Variants in SMARCB1 observed in about 807,000 individuals in gnomAD.
SMARCB1 encodes the protein SWI/SNF related BAF chromatin remodeling complex subunit B1, also known as SWI/SNF-related matrix-associated actin-dependent regulator of chromatin subfamily B member 1.
In SMARCB1, 5 loss-of-function variants were observed where a neutral mutation model predicts 49.0. The ratio of observed to expected loss-of-function variants is 0.10; its 90% CI spans 0.05 to 0.21. The LOEUF (loss-of-function observed/expected upper bound fraction) is 0.21. Among genes scored for constraint, SMARCB1 ranks in the 10% least tolerant of loss-of-function variants. The pLI is 1.00. For synonymous variants in SMARCB1, 201 were observed against 200.1 expected (o/e 1.00, Z -0.04); for missense variants, 226 against 509.2 (o/e 0.44, Z 5.35).
chr22:23,808,729 G>C (rs1008035821), intron 5 of SMARCB1, among the ~76,000 whole-genome samples: 4 of 146,918 alleles, frequency 2.7e-5, no homozygotes, highest in African/African-American at 1.0e-4. Context: ...CGGAGTTTCC[G>C]CTCTTGTTGC....
chr22:23,809,352 C>T (rs1203576411), intron 5 of SMARCB1, among the ~76,000 whole-genome samples: 5 of 151,050 alleles, frequency 3.3e-5, no homozygotes, highest in East Asian at 3.9e-4. Flanking sequence ...TCTCAGCTCA[C>T]CACAACCTCT....
chr22:23,793,744 A>T (rs2145964918), intron 3 of SMARCB1, 56 bp downstream of exon 3: 1 of 1,550,054 alleles, frequency 6.5e-7, no homozygotes, highest in Non-Finnish European at 8.9e-7. Context: ...CTTTTCTGAG[A>T]CTCAAGAACT....
chr22:23,817,713 G>A (rs577975543), intron 6 of SMARCB1: 40 of 152,334 alleles, frequency 2.6e-4, no homozygotes, highest in African/African-American at 9.1e-4. Flanking sequence ...GATGGAGCCT[G>A]GGCCGACTTC....
At chr22:23,805,496 T>C (rs559002569) in intron 5 of SMARCB1, among the ~76,000 whole-genome samples, 1 of 152,316 alleles carries the variant, frequency 6.6e-6, no homozygotes, top group East Asian at 1.9e-4. Context: ...GGCCTTGTTT[T>C]TCATTGCCGT....
In SMARCB1 at chr22:23,806,774, T is replaced by C. The variant is rs897310076; in HGVS notation, c.628+3352T>C. Among the ~76,000 whole-genome samples, 4 of 151,752 alleles carry C rather than the reference T, an allele frequency of 2.6e-5. No homozygotes were observed. The South Asian group carries it at 8.4e-4, about 32-fold the overall frequency. Reference sequence around the variant, plus strand: ...CCCTCTCTACTAAAAATATAAAAATTAGTCGGATGTGGTGGCACACCTGTG... The same window carrying C: ...CCCTCTCTACTAAAAATATAAAAATCAGTCGGATGTGGTGGCACACCTGTG... On this transcript the variant is annotated intron_variant, in intron 5 of 8. Transcript: ENST00000644036.
In SMARCB1 at chr22:23,837,980, A is replaced by G; in HGVS notation, c.*3800A>G. 8.1e-7 allele frequency: 1 copy of G among 1,235,994 alleles called. No homozygotes were observed. The highest frequency in any genetic ancestry group is 1.5e-5 in the South Asian group (1 of 66,146). 76.6% of individuals were successfully genotyped at this position (1,235,994 alleles called of 1,614,324 possible). Reference sequence around the variant, plus strand: ...TGCTATTCCCTCATCAAGATGAGCCAGTCCAATAAAGGCGACACACTCCAC... The same window carrying G: ...TGCTATTCCCTCATCAAGATGAGCCGGTCCAATAAAGGCGACACACTCCAC... On this transcript the variant is annotated 3_prime_UTR_variant, in exon 9 of 9. Transcript: ENST00000644036.
intron 2 of SMARCB1, chr22:23,793,228 A>C: frequency 2.5e-6 from 1 of 401,420 alleles, no homozygotes; most frequent in South Asian, 2.1e-5. Context: ...GGACCAAGAG[A>C]ATATGTTCTG....
chr22:23,826,787 G>A (rs1047266920), intron 7 of SMARCB1, among the ~76,000 whole-genome samples: 1 of 152,228 alleles, frequency 6.6e-6, no homozygotes, highest in Non-Finnish European at 1.5e-5. Flanking sequence ...AAGGAAGAAG[G>A]AATGAGAGCC....
At chr22:23,806,733 C>T (rs920520001) in intron 5 of SMARCB1, among the ~76,000 whole-genome samples, 1 of 151,782 alleles carries the variant, frequency 6.6e-6, no homozygotes, top group Non-Finnish European at 1.5e-5. Flanking sequence ...ACCAGCCTGG[C>T]CATCATGGTG....
intron 8 of SMARCB1, 41 bp downstream of exon 8, chr22:23,833,744 C>G (rs1298140850): frequency 3.1e-6 from 5 of 1,612,360 alleles, no homozygotes; most frequent in Non-Finnish European, 4.2e-6. Context: ...CCCACAGGCA[C>G]CTGGCTTTCC....
intron 2 of SMARCB1, 43 bp downstream of exon 2, chr22:23,791,937 C>G (rs377252030): frequency 1.2e-6 from 2 of 1,601,478 alleles, no homozygotes; most frequent in African/African-American, 1.3e-5. Context: ...CAAAACCACT[C>G]GCTTATGTCA....
intron 4 of SMARCB1, 181 bp downstream of exon 4, chr22:23,801,262 CTCCTT>C: frequency 2.3e-6 from 2 of 879,078 alleles, no homozygotes; most frequent in Non-Finnish European, 3.7e-6. Context: ...TGTCCATAGC[CTCCTT>C]GGCTCTGTCT....
At position 23,791,914 on chromosome 22, in the gene SMARCB1, T is replaced by A. The variant is rs760668060; in HGVS notation, c.232+20T>A. On this transcript the variant is annotated intron_variant, in intron 2 of 8. Transcript: ENST00000644036. Reference sequence around the variant, plus strand: ...CTAAGGGTGCGTCTTCACGAGGGTTTGTAAACCTGTTTCAAAACCACTCGC... The same window carrying A: ...CTAAGGGTGCGTCTTCACGAGGGTTAGTAAACCTGTTTCAAAACCACTCGC... 1 of 1,613,464 alleles carries A rather than the reference T, an allele frequency of 6.2e-7. No homozygotes were observed. The highest frequency in any genetic ancestry group is 2.2e-5 in the East Asian group (1 of 44,878).
rs114969858 is a variant in SMARCB1 at position 23,804,929 on chromosome 22, C to T, written c.628+1507C>T. Among the ~76,000 whole-genome samples the T allele has an allele frequency of 5.9e-3, 897 of 152,286 alleles. 7 individuals are homozygous for T. Among genetic ancestry groups the T allele is most frequent in the South Asian group, 0.022 (108 of 4,832 alleles). On this transcript the variant is annotated intron_variant, in intron 5 of 8. Transcript: ENST00000644036. ...TTGCTAAAACTCCCCCTGCTGTAGA[C>T]GGCTCCACAGCAGATAACGTAGTTG... is the stretch of plus-strand genomic sequence containing the variant.
At chr22:23,803,211 C>T (rs1929277109) in intron 4 of SMARCB1, 84 bp from the exon 5 acceptor site, 2 of 1,582,778 alleles carry the variant, frequency 1.3e-6, no homozygotes. Context: ...TTGCAGAAGC[C>T]TGCTGTGCAG....
chr22:23,792,000 G>C (rs543129736), intron 2 of SMARCB1, 106 bp downstream of exon 2: 2 of 1,305,192 alleles, frequency 1.5e-6, no homozygotes, highest in South Asian at 2.4e-5. Context: ...CTTGGCCTTA[G>C]TCGGGCAGGG....
chr22:23,788,275 A>T (rs1261241264), intron 1 of SMARCB1, among the ~76,000 whole-genome samples: 1 of 152,214 alleles, frequency 6.6e-6, no homozygotes, highest in African/African-American at 2.4e-5. Context: ...ATGGATATAC[A>T]GTTCAGATGT....
chr22:23,820,390 A>G (rs2030017456), intron 6 of SMARCB1, among the ~76,000 whole-genome samples: 1 of 152,126 alleles, frequency 6.6e-6, no homozygotes, highest in Non-Finnish European at 1.5e-5. Flanking sequence ...CCTGACCAAC[A>G]TGGTGAAACC....
intron 5 of SMARCB1, among the ~76,000 whole-genome samples, chr22:23,808,596 C>T (rs1348903383): frequency 6.6e-6 from 1 of 151,778 alleles, no homozygotes; most frequent in Non-Finnish European, 1.5e-5. Flanking sequence ...GACGCTAGAG[C>T]AAGTGGCAGG....
Sources: allele counts gnomAD v4.1 joint callset (sites outside exome capture counted in the v4.1 genomes callset), GRCh38; gene constraint gnomAD v4.1.1; transcripts MANE v1.5; gene names NCBI Gene and HGNC (gene_info 2026-07-23, HGNC 2026-07-21).